Variants in SIPA1L1 observed in about 807,000 individuals in gnomAD.
The protein encoded by SIPA1L1 is signal-induced proliferation-associated 1-like protein 1.
In SIPA1L1, 26 loss-of-function variants were observed where a neutral mutation model predicts 162.7. The observed-to-expected ratio is 0.16, with a 90% CI of 0.12 to 0.22. The LOEUF (loss-of-function observed/expected upper bound fraction) is 0.22. Among genes scored for constraint, SIPA1L1 ranks in the 10% least tolerant of loss-of-function variants. The pLI, the probability that SIPA1L1 is intolerant of heterozygous loss-of-function variation, is 1.00. For synonymous variants in SIPA1L1, 829 were observed against 837.4 expected, an observed-to-expected ratio of 0.99 and a Z score of 0.17; for missense variants, 1,874 against 2,241.0, an observed-to-expected ratio of 0.84 and a Z score of 3.31.
Position 71,588,195 on chromosome 14 carries a change from G to A in SIPA1L1, c.323G>A (p.Ser108Asn). The A allele has an allele frequency of 6.2e-7, 1 of 1,614,156 alleles. No homozygotes were observed. Among genetic ancestry groups the A allele is most frequent in the East Asian group, 2.2e-5 (1 of 44,884 alleles). The change falls in exon 5 of 24, where the codon AGC becomes AAC. Residue 108 changes from serine (S) to asparagine (N), a missense_variant. Coordinates refer to ENST00000381232, the MANE Select transcript of SIPA1L1 (RefSeq NM_001386936.1). This position sits in a 1 kb window ranked among gnomAD's most constrained non-coding sequence, Gnocchi z 4.3. ...QEIETSSCLD[S>N]LSSKSSPVSQ... ...ATAGAAACCTCAAGTTGCCTTGATA[G>A]CCTGTCCTCCAAAAGCAGTCCTGTG... is the stretch of plus-strand genomic sequence containing the variant.
At chr14:71,380,363 G>C (rs2141174676) in intron 2 of SIPA1L1, among the ~76,000 whole-genome samples, 1 of 152,296 alleles carries the variant, frequency 6.6e-6, no homozygotes, top group Non-Finnish European at 1.5e-5. Context: ...TCATATCCCA[G>C]ATACAGTCCT....
At chr14:71,597,701 G>A (rs1199963999) in intron 5 of SIPA1L1, among the ~76,000 whole-genome samples, 1 of 152,108 alleles carries the variant, frequency 6.6e-6, no homozygotes, top group Non-Finnish European at 1.5e-5. Context: ...TCCTTCCCCT[G>A]CCTCAGGGTA....
chr14:71,367,462 G>A (rs1400506418), intron 2 of SIPA1L1, among the ~76,000 whole-genome samples: 8 of 148,508 alleles, frequency 5.4e-5, no homozygotes, highest in South Asian at 2.2e-4. Flanking sequence ...GCCCGCCACC[G>A]CGCCCGGCTA....
chr14:71,528,180 G>GTA (rs2053074914), intron 3 of SIPA1L1, among the ~76,000 whole-genome samples: 1 of 152,300 alleles, frequency 6.6e-6, no homozygotes, highest in Non-Finnish European at 1.5e-5. Context: ...AGATGATGCA[G>GTA]TATCAGATAT....
At chr14:71,395,213 G>A (rs2141416895) in intron 2 of SIPA1L1, among the ~76,000 whole-genome samples, 1 of 152,322 alleles carries the variant, frequency 6.6e-6, no homozygotes, top group South Asian at 2.1e-4. Context: ...TGGCAAGTGT[G>A]AAATTGTCAG....
intron 2 of SIPA1L1, among the ~76,000 whole-genome samples, chr14:71,360,764 G>C (rs1406141124): frequency 6.6e-6 from 1 of 152,116 alleles, no homozygotes; most frequent in Non-Finnish European, 1.5e-5. Context: ...AGAAGTGTCA[G>C]CAAATCAAAG....
intron 2 of SIPA1L1, among the ~76,000 whole-genome samples, chr14:71,494,709 G>A (rs2049588414): frequency 6.6e-6 from 1 of 151,850 alleles, no homozygotes; most frequent in African/African-American, 2.4e-5. Context: ...AAAATTTTTT[G>A]TAGAGATGGG....
At chr14:71,457,557 A>G (rs1346808423) in intron 2 of SIPA1L1, among the ~76,000 whole-genome samples, 1 of 151,842 alleles carries the variant, frequency 6.6e-6, no homozygotes, top group Admixed American at 6.6e-5. Context: ...TTGGCCTCCC[A>G]AAGTGCTGGG....
chr14:71,732,077 A>G (rs932736004), intron 20 of SIPA1L1, among the ~76,000 whole-genome samples: 2 of 152,248 alleles, frequency 1.3e-5, no homozygotes, highest in East Asian at 3.8e-4. Context: ...ACATTTAAGT[A>G]GAACTGAACA....
At position 71,588,821 on chromosome 14, in the gene SIPA1L1, C is replaced by A. The variant is rs1446271998; in HGVS notation, c.949C>A (p.Arg317=). 44 of 1,613,952 alleles carry A rather than the reference C, an allele frequency of 2.7e-5. No individual in the cohort carries two copies. Among genetic ancestry groups the A allele is most frequent in the Non-Finnish European group, 3.5e-5 (41 of 1,179,988 alleles). The change falls in exon 5 of 24, where the codon CGA becomes AGA. Residue 317 remains arginine (R), a synonymous_variant. Coordinates refer to ENST00000381232, the MANE Select transcript of SIPA1L1 (RefSeq NM_001386936.1). This position sits in a 1 kb window ranked among gnomAD's most constrained non-coding sequence, Gnocchi z 4.3. The part of the protein sequence containing the change: ...LGKSSDLEDN[R]SEDSVRPWTC... ...GAAGTCATCAGATCTTGAAGATAAC[C>A]GATCAGAAGACTCTGTCAGGCCCTG...
rs188613741 is a variant in SIPA1L1, at chr14:71,377,522, A to G, written c.-465+56341A>G. ...GTGGCCAGGCAGAGGGGCTCCTCAC[A>G]TCCCAGACCATGGGCAGCCAGGCAG... On this transcript the variant is annotated intron_variant, in intron 2 of 23. Coordinates refer to ENST00000381232, the MANE Select transcript of SIPA1L1 (RefSeq NM_001386936.1). The surrounding 1 kb of genome is among the most constrained non-coding windows in gnomAD (Gnocchi z 4.8). Among the ~76,000 whole-genome samples the G allele has an allele frequency of 2.2e-3, 339 of 151,516 alleles. 2 individuals carry two copies. The highest frequency in any genetic ancestry group is 0.017 in the Admixed American group (259 of 15,258).
chr14:71,550,899 A>AT (rs1188086306), intron 4 of SIPA1L1, among the ~76,000 whole-genome samples: 1 of 152,102 alleles, frequency 6.6e-6, no homozygotes, highest in Non-Finnish European at 1.5e-5. Context: ...AAAAATAAAG[A>AT]TTAGCTGGGC....
chr14:71,686,976 A>C (rs10873246), intron 13 of SIPA1L1, among the ~76,000 whole-genome samples: 1 of 152,134 alleles, frequency 6.6e-6, no homozygotes, highest in Non-Finnish European at 1.5e-5. Context: ...TCCAGTTTGG[A>C]AGCAGAGAGC....
At chr14:71,697,455 A>G (rs1212204623) in intron 13 of SIPA1L1, among the ~76,000 whole-genome samples, 2 of 152,214 alleles carry the variant, frequency 1.3e-5, no homozygotes, top group African/African-American at 4.8e-5. Context: ...TGCAGTCACA[A>G]GTTGTCCTGT....
At chr14:71,378,118 T>G (rs868595268) in intron 2 of SIPA1L1, among the ~76,000 whole-genome samples, 1 of 151,278 alleles carries the variant, frequency 6.6e-6, no homozygotes, top group Non-Finnish European at 1.5e-5. Context: ...TTTTTTTTTT[T>G]GATCACTCTA....
chr14:71,689,015 A>G (rs1272926383), intron 13 of SIPA1L1, among the ~76,000 whole-genome samples: 1 of 152,212 alleles, frequency 6.6e-6, no homozygotes, highest in Admixed American at 6.5e-5. Context: ...AACACAGTCC[A>G]TTTTGGGTGA....
intron 2 of SIPA1L1, among the ~76,000 whole-genome samples, chr14:71,382,951 AC>A (rs1300775441): frequency 6.6e-6 from 1 of 152,128 alleles, no homozygotes; most frequent in Non-Finnish European, 1.5e-5. Context: ...ATGGAGAAAC[AC>A]TGATTTCCCC....
intron 2 of SIPA1L1, among the ~76,000 whole-genome samples, chr14:71,371,241 G>A (rs1027902716): frequency 3.3e-5 from 5 of 152,104 alleles, no homozygotes; most frequent in Non-Finnish European, 5.9e-5. Context: ...AATGAATTTC[G>A]AAGTGGAATT....
intron 10 of SIPA1L1, among the ~76,000 whole-genome samples, chr14:71,669,580 G>A (rs909310248): frequency 1.6e-4 from 24 of 152,140 alleles, no homozygotes; most frequent in African/African-American, 5.5e-4. Context: ...AAAATAACAC[G>A]ATCAAATTAA....
Sources: gnomAD v4.1 joint callset for allele counts (sites outside exome capture counted in the v4.1 genomes callset) on GRCh38, gnomAD v4.1.1 for gene constraint, Gnocchi (gnomAD v3.1) non-coding constraint, MANE v1.5 for transcripts, NCBI Gene and HGNC (gene_info 2026-07-23, HGNC 2026-07-21) for gene names.